The following ROBO1 variants were observed in gnomAD, a reference collection of about 807,000 sequenced individuals.
ROBO1 encodes roundabout homolog 1.
A neutral mutation model predicts 195.9 loss-of-function variants in ROBO1; 149 were observed. The observed-to-expected ratio is 0.76, with a 90% CI of 0.67 to 0.87. The LOEUF (loss-of-function observed/expected upper bound fraction) is 0.87. Ranked by LOEUF, ROBO1 falls within the 40% of genes least tolerant of loss-of-function variation. ROBO1 has a pLI of 0.00. For synonymous variants in ROBO1, 816 were observed against 733.2 expected (o/e 1.11, Z -1.82); for missense variants, 1,933 against 2,068.3 (o/e 0.93, Z 1.27).
intron 2 of ROBO1, among the ~76,000 whole-genome samples, chr3:79,294,916 T>A (rs1208373872): frequency 2.0e-5 from 3 of 152,154 alleles, no homozygotes; most frequent in African/African-American, 7.2e-5. Flanking sequence ...TCACGCCAGT[T>A]AGAATGGCGA....
chr3:79,270,551 C>G (rs1193428170), intron 2 of ROBO1, among the ~76,000 whole-genome samples: 1 of 151,548 alleles, frequency 6.6e-6, no homozygotes, highest in Non-Finnish European at 1.5e-5. Flanking sequence ...GAATTGTTGC[C>G]ATGAAGCAAG....
At chr3:78,682,136 A>G (rs1485025591) in intron 10 of ROBO1, among the ~76,000 whole-genome samples, 7 of 152,130 alleles carry the variant, frequency 4.6e-5, no homozygotes, top group African/African-American at 2.4e-5. Flanking sequence ...ATCTGGTGGT[A>G]AAATATTAAA....
At chr3:79,187,633 A>G (rs1313680194) in intron 2 of ROBO1, among the ~76,000 whole-genome samples, 1 of 151,970 alleles carries the variant, frequency 6.6e-6, no homozygotes, top group East Asian at 1.9e-4. Context: ...CAGAAAACAG[A>G]TGGCCCCAGG....
intron 3 of ROBO1, among the ~76,000 whole-genome samples, chr3:78,975,908 A>T (rs2076875079): frequency 6.6e-6 from 1 of 152,176 alleles, no homozygotes; most frequent in Non-Finnish European, 1.5e-5. Context: ...TTCAACTTTG[A>T]TCCTGAAAAT....
chr3:79,348,358 A>T (rs1374860583), intron 2 of ROBO1, among the ~76,000 whole-genome samples: 1 of 152,120 alleles, frequency 6.6e-6, no homozygotes, highest in Non-Finnish European at 1.5e-5. Context: ...ATCATGGCCA[A>T]AGTTGATGGC....
intron 1 of ROBO1, among the ~76,000 whole-genome samples, chr3:79,642,489 G>T (rs1250416598): frequency 2.0e-5 from 3 of 151,954 alleles, no homozygotes; most frequent in African/African-American, 4.8e-5. Flanking sequence ...ACTCTCAAAG[G>T]TCAAGGACAA....
At chr3:79,226,952 C>A (rs79283212) in intron 2 of ROBO1, among the ~76,000 whole-genome samples, 4,154 of 152,228 alleles carry the variant, frequency 0.027, 158 homozygotes, top group African/African-American at 0.091. Context: ...CCAATCTCAT[C>A]TACTCTGCTT....
At chr3:78,977,341 C>G (rs2107960170) in intron 3 of ROBO1, among the ~76,000 whole-genome samples, 1 of 152,150 alleles carries the variant, frequency 6.6e-6, no homozygotes, top group East Asian at 1.9e-4. Context: ...TTTCCCATTA[C>G]TCTCCTTTTT....
chr3:78,669,826 C>T (rs537494506), intron 11 of ROBO1, among the ~76,000 whole-genome samples: 1 of 152,232 alleles, frequency 6.6e-6, no homozygotes, highest in East Asian at 1.9e-4. Context: ...TCTCACAAAC[C>T]CTCATTTACT....
At chr3:78,721,765 C>A (rs1466840547) in intron 5 of ROBO1, among the ~76,000 whole-genome samples, 1 of 152,112 alleles carries the variant, frequency 6.6e-6, no homozygotes, top group Non-Finnish European at 1.5e-5. Context: ...CAGTATAATA[C>A]AGTACTAATT....
intron 1 of ROBO1, among the ~76,000 whole-genome samples, chr3:79,738,690 T>C (rs1479541385): frequency 6.6e-6 from 1 of 152,184 alleles, no homozygotes; most frequent in African/African-American, 2.4e-5. Context: ...AAAGTAAATA[T>C]GACTTGATAT....
chr3:79,358,871 C>T (rs1267129453), intron 2 of ROBO1, among the ~76,000 whole-genome samples: 1 of 152,058 alleles, frequency 6.6e-6, no homozygotes, highest in Non-Finnish European at 1.5e-5. Flanking sequence ...ATGCACTGCA[C>T]TATTGACGTA....
Position 78,665,120 on chromosome 3 carries a change from C to T in ROBO1, c.1966+2763G>A, listed in dbSNP as rs780829122. Among the ~76,000 whole-genome samples the T allele has an allele frequency of 1.2e-3, 180 of 152,254 alleles. 1 individual carries two copies. In the Middle Eastern group the frequency reaches 0.014, roughly 12 times the overall value. Reference sequence around the variant, plus strand: ...ATGATGTGATTTTCAGCCTTTCATGCGGCCTCATCGACTATCCCTACTGTC... The same window carrying T: ...ATGATGTGATTTTCAGCCTTTCATGTGGCCTCATCGACTATCCCTACTGTC... On this transcript the variant is annotated intron_variant, in intron 14 of 30. Transcript: ENST00000464233.
chr3:79,459,780 A>G (rs112058307), intron 2 of ROBO1, among the ~76,000 whole-genome samples: 2,785 of 152,270 alleles, frequency 0.018, 85 homozygotes, highest in African/African-American at 0.063. Flanking sequence ...AGCAATAAAA[A>G]GCATTTTCAC....
At chr3:78,910,500 A>G (rs2038179063) in intron 4 of ROBO1, among the ~76,000 whole-genome samples, 1 of 151,946 alleles carries the variant, frequency 6.6e-6, no homozygotes, top group Non-Finnish European at 1.5e-5. Context: ...GAAGGGATCA[A>G]TGATAATATG....
At chr3:79,767,230 G>C (rs4856328) in intron 1 of ROBO1, among the ~76,000 whole-genome samples, 52,341 of 151,976 alleles carry the variant, frequency 0.34, 9,700 homozygotes, top group African/African-American at 0.49. Flanking sequence ...CTATGCCTCA[G>C]TCAGCTCACA....
intron 4 of ROBO1, among the ~76,000 whole-genome samples, chr3:78,804,946 T>C (rs1357884771): frequency 6.6e-6 from 1 of 152,088 alleles, no homozygotes; most frequent in Non-Finnish European, 1.5e-5. Flanking sequence ...TCCTTGAAGG[T>C]TCAGTTTAAA....
At chr3:79,424,140 A>C (rs1381485002) in intron 2 of ROBO1, among the ~76,000 whole-genome samples, 1 of 152,108 alleles carries the variant, frequency 6.6e-6, no homozygotes, top group Non-Finnish European at 1.5e-5. Context: ...CCTGAATTAC[A>C]ATTATTTACT....
At chr3:79,741,553 T>C (rs1261677766) in intron 1 of ROBO1, among the ~76,000 whole-genome samples, 5 of 152,210 alleles carry the variant, frequency 3.3e-5, no homozygotes, top group African/African-American at 1.2e-4. Flanking sequence ...GTAATTGTAA[T>C]ATTAGCAGTT....
Sources: gnomAD v4.1 joint callset for allele counts (sites outside exome capture counted in the v4.1 genomes callset) on GRCh38, gnomAD v4.1.1 for gene constraint, MANE v1.5 for transcripts, NCBI Gene and HGNC (gene_info 2026-07-23, HGNC 2026-07-21) for gene names.